MKLN1: variants seen among roughly 807,000 people sequenced by gnomAD.
The protein encoded by MKLN1 is muskelin 1.
In MKLN1, 18 loss-of-function variants were observed where a neutral mutation model predicts 99.0. That is an observed-to-expected ratio of 0.18 (90% CI 0.13 to 0.27). MKLN1 has a LOEUF of 0.27. Ranked by LOEUF, MKLN1 falls within the 10% of genes least tolerant of loss-of-function variation. The pLI, the probability that MKLN1 is intolerant of heterozygous loss-of-function variation, is 1.00. For missense variants in MKLN1, 621 were observed against 875.9 expected, an observed-to-expected ratio of 0.71 and a Z score of 3.67; for synonymous variants, 288 against 293.2, an observed-to-expected ratio of 0.98 and a Z score of 0.18.
intron 3 of MKLN1, among the ~76,000 whole-genome samples, chr7:131,291,117 AT>A (rs1202128382): frequency 1.4e-5 from 2 of 147,508 alleles, no homozygotes; most frequent in Non-Finnish European, 3.0e-5. Context: ...TTATTTATTT[AT>A]TTATTTATTT....
At chr7:131,383,297 T>C (rs1584678769) in intron 2 of MKLN1, among the ~76,000 whole-genome samples, 1 of 152,312 alleles carries the variant, frequency 6.6e-6, no homozygotes, top group East Asian at 1.9e-4. Flanking sequence ...CAGAAAAGTC[T>C]AAGAAAGTGA....
chr7:131,483,916 T>G (rs1373086693), intron 17 of MKLN1, among the ~76,000 whole-genome samples: 1 of 152,186 alleles, frequency 6.6e-6, no homozygotes, highest in African/African-American at 2.4e-5. Context: ...AACAGGCAAA[T>G]TCACAAATAT....
chr7:131,187,339 A>G (rs1370746381), intron 2 of MKLN1, among the ~76,000 whole-genome samples: 1 of 145,042 alleles, frequency 6.9e-6, no homozygotes, highest in East Asian at 2.0e-4. Flanking sequence ...TTTTTTTTCC[A>G]AAACAACTGA....
At chr7:131,216,857 T>C (rs1563255505) in intron 3 of MKLN1, among the ~76,000 whole-genome samples, 1 of 152,194 alleles carries the variant, frequency 6.6e-6, no homozygotes, top group Non-Finnish European at 1.5e-5. Flanking sequence ...GCCTTTTTCA[T>C]CCTGTGCCTC....
chr7:131,190,586 CTTCT>C (rs767545778), intron 2 of MKLN1, among the ~76,000 whole-genome samples: 7 of 149,972 alleles, frequency 4.7e-5, no homozygotes, highest in Non-Finnish European at 7.4e-5. Flanking sequence ...TGGTAATTTT[CTTCT>C]TTAACAATAA....
At chr7:131,225,554 A>T (rs1249908288) in intron 3 of MKLN1, among the ~76,000 whole-genome samples, 2 of 152,178 alleles carry the variant, frequency 1.3e-5, no homozygotes, top group Non-Finnish European at 2.9e-5. Context: ...CAAGATAAAA[A>T]CATTCACTTT....
intron 8 of MKLN1, among the ~76,000 whole-genome samples, chr7:131,415,093 G>A (rs1193492720): frequency 6.6e-6 from 1 of 151,254 alleles, no homozygotes; most frequent in African/African-American, 2.4e-5. Flanking sequence ...AAATAATTTA[G>A]TTGTTGTTTT....
chr7:131,141,219 G>T (rs553196290), intron 1 of MKLN1, among the ~76,000 whole-genome samples: 5 of 152,178 alleles, frequency 3.3e-5, no homozygotes, highest in Admixed American at 6.5e-5. Context: ...ACTCCTAAAT[G>T]GATATCCTCC....
chr7:131,366,357 CT>C (rs1273248379), intron 1 of MKLN1, among the ~76,000 whole-genome samples: 1 of 152,162 alleles, frequency 6.6e-6, no homozygotes, highest in Admixed American at 6.5e-5. Context: ...ACTGACTTTT[CT>C]TCATATAAAA....
At chr7:131,140,856 T>A (rs12534997) in intron 1 of MKLN1, among the ~76,000 whole-genome samples, 1 of 151,576 alleles carries the variant, frequency 6.6e-6, no homozygotes, top group Non-Finnish European at 1.5e-5. Flanking sequence ...CTTGGCTCAC[T>A]GCAATCTCCG....
chr7:131,454,289 C>T (rs1796271867), intron 12 of MKLN1, among the ~76,000 whole-genome samples: 1 of 151,976 alleles, frequency 6.6e-6, no homozygotes, highest in Non-Finnish European at 1.5e-5. Context: ...GATTGTCCAC[C>T]AGTAAATAAA....
chr7:131,354,566 C>T (rs1799818988), intron 1 of MKLN1, among the ~76,000 whole-genome samples: 1 of 151,820 alleles, frequency 6.6e-6, no homozygotes, highest in South Asian at 2.1e-4. Context: ...ATTATGTCAT[C>T]TGAAAATAGG....
At chr7:131,313,291 A>G (rs1407279996) in intron 3 of MKLN1, among the ~76,000 whole-genome samples, 1 of 152,232 alleles carries the variant, frequency 6.6e-6, no homozygotes, top group Non-Finnish European at 1.5e-5. Context: ...TAGACAATAT[A>G]TAAACAGACA....
intron 1 of MKLN1, among the ~76,000 whole-genome samples, chr7:131,110,892 C>T (rs1795185621): frequency 6.6e-6 from 1 of 152,210 alleles, no homozygotes; most frequent in Non-Finnish European, 1.5e-5. Flanking sequence ...AGAGACATTG[C>T]AATACTACTC....
At chr7:131,330,484 G>A (rs960792844) in intron 1 of MKLN1, among the ~76,000 whole-genome samples, 1 of 152,134 alleles carries the variant, frequency 6.6e-6, no homozygotes, top group Non-Finnish European at 1.5e-5. Context: ...AGGAATCTCC[G>A]TTTGCCAGAT....
chr7:131,192,068 T>C, intron 2 of MKLN1, among the ~76,000 whole-genome samples: 1 of 108,098 alleles, frequency 9.3e-6, no homozygotes, highest in South Asian at 2.4e-4. Flanking sequence ...ATATATATAT[T>C]ATATATATAC....
chr7:131,119,258 C>A (rs1795324880), intron 1 of MKLN1, among the ~76,000 whole-genome samples: 1 of 152,230 alleles, frequency 6.6e-6, no homozygotes, highest in African/African-American at 2.4e-5. Flanking sequence ...AATCTTAAAG[C>A]TCTAAAATAA....
intron 3 of MKLN1, among the ~76,000 whole-genome samples, chr7:131,227,377 T>G (rs1797163622): frequency 6.7e-6 from 1 of 149,112 alleles, no homozygotes; most frequent in South Asian, 2.1e-4. Context: ...TTTCTTTTTC[T>G]TTCTTTTTTT....
intron 16 of MKLN1, among the ~76,000 whole-genome samples, chr7:131,473,002 C>T (rs1796870251): frequency 6.6e-6 from 1 of 151,076 alleles, no homozygotes; most frequent in African/African-American, 2.4e-5. Context: ...TAAGGTTCTC[C>T]TCTGTCTGCT....
Sources: allele counts gnomAD v4.1 joint callset (sites outside exome capture counted in the v4.1 genomes callset), GRCh38; gene constraint gnomAD v4.1.1; transcripts MANE v1.5; gene names NCBI Gene and HGNC (gene_info 2026-07-23, HGNC 2026-07-21).